The following MYH11 variants were observed in gnomAD, a reference collection of about 807,000 sequenced individuals.
MYH11 encodes myosin-11.
MYH11 carries 80 observed loss-of-function variants against 246.6 expected under a neutral mutation model. That is an observed-to-expected ratio of 0.32 (90% CI 0.27 to 0.39). The LOEUF (loss-of-function observed/expected upper bound fraction) is 0.39. MYH11 is among the 10% of genes least tolerant of loss of function. The pLI is 1.00. For synonymous variants in MYH11, 1,071 were observed against 1,015.5 expected, an observed-to-expected ratio of 1.05 and a Z score of -1.04; for missense variants, 2,158 against 2,546.8, an observed-to-expected ratio of 0.85 and a Z score of 3.29.
At chr16:15,718,122 G>A in intron 37 of MYH11, 193 bp downstream of exon 37, 1 of 831,818 alleles carries the variant, frequency 1.2e-6, no homozygotes, top group Non-Finnish European at 1.9e-6. Context: ...AGCGTGGAGA[G>A]GAGTATTCTG....
rs1179504295 is a variant in MYH11, at chr16:15,718,739, C to T, written c.5172-301G>A. On this transcript the variant is annotated intron_variant, in intron 36 of 40. Coordinates refer to ENST00000300036, the MANE Select transcript of MYH11 (RefSeq NM_002474.3). ...TATTGGGAATGAATGAAAGCAGCCA[C>T]ACCCCCAAACAGGCATGAAAGCGCT... is the stretch of plus-strand genomic sequence containing the variant. 26 of 503,028 alleles carry T rather than the reference C, an allele frequency of 5.2e-5. No individual in the cohort carries two copies. In the Admixed American group the frequency reaches 8.5e-4, roughly 16 times the overall value. 31.2% of individuals were successfully genotyped at this position (503,028 alleles called of 1,614,324 possible).
At chr16:15,752,648 G>T (rs1469005072) in intron 15 of MYH11, among the ~76,000 whole-genome samples, 2 of 152,218 alleles carry the variant, frequency 1.3e-5, no homozygotes, top group Non-Finnish European at 2.9e-5. Context: ...TGAGGCTGAG[G>T]TGGGCGGATC....
chr16:15,740,267 C>T (rs940366583), intron 22 of MYH11, 79 bp from the exon 23 acceptor site: 18 of 1,602,612 alleles, frequency 1.1e-5, no homozygotes, highest in Non-Finnish European at 1.4e-5. Context: ...CTAATGAATA[C>T]AGGGGCTAGG....
intron 15 of MYH11, among the ~76,000 whole-genome samples, chr16:15,752,074 G>T (rs1271437334): frequency 1.3e-5 from 2 of 151,956 alleles, no homozygotes; most frequent in African/African-American, 4.8e-5. Flanking sequence ...TTACAGGTGT[G>T]AGCCACCATG....
At chr16:15,747,532 C>T (rs751171344) in intron 19 of MYH11, 38 bp downstream of exon 19, 44 of 1,613,570 alleles carry the variant, frequency 2.7e-5, no homozygotes, top group Middle Eastern at 1.6e-4. Flanking sequence ...GTTTGTGATT[C>T]GCGTTTGAGG....
At chr16:15,814,258 G>A (rs1171728243) in intron 3 of MYH11, among the ~76,000 whole-genome samples, 2 of 149,318 alleles carry the variant, frequency 1.3e-5, no homozygotes, top group African/African-American at 2.5e-5. Context: ...GCGTTGAAAA[G>A]TACCAAGAAA....
At chr16:15,815,948 CA>C (rs11343062) in intron 3 of MYH11, among the ~76,000 whole-genome samples, 19,350 of 151,930 alleles carry the variant, frequency 0.13, 1,297 homozygotes, top group East Asian at 0.15. Flanking sequence ...AAAGCTCAGG[CA>C]AAAAAAGTTA....
At chr16:15,804,314 T>A (rs1417203912) in intron 3 of MYH11, among the ~76,000 whole-genome samples, 1 of 152,126 alleles carries the variant, frequency 6.6e-6, no homozygotes, top group Non-Finnish European at 1.5e-5. Context: ...CTGGATCTCC[T>A]AAAGTCGGGA....
In MYH11 at chr16:15,745,578, CTTTCTTT is replaced by C. The variant is rs1218995094; in HGVS notation, c.2412-348_2412-342del. Among the ~76,000 whole-genome samples, 1,121 of 129,154 alleles carry C rather than the reference CTTTCTTT, an allele frequency of 8.7e-3. 11 individuals are homozygous for C. Among genetic ancestry groups the C allele is most frequent in the African/African-American group, 0.033 (1,079 of 32,558 alleles). 84.7% of individuals were successfully genotyped at this position (129,154 alleles called of 152,430 possible). ...TGCACTAGCTGTTTCTTTTTTCTTT[CTTTCTTT>C]TTTTTTTTTTTTTTTTTTTGAGATA... On this transcript the variant is annotated intron_variant, in intron 19 of 40. Coordinates refer to ENST00000300036, the MANE Select transcript of MYH11 (RefSeq NM_002474.3).
chr16:15,767,229 T>C (rs988878881), intron 9 of MYH11, among the ~76,000 whole-genome samples: 5 of 152,030 alleles, frequency 3.3e-5, no homozygotes, highest in African/African-American at 4.8e-5. Context: ...GATGGATGAA[T>C]CATGGATGAA....
intron 2 of MYH11, among the ~76,000 whole-genome samples, chr16:15,828,812 G>T (rs2043644599): frequency 6.9e-6 from 1 of 144,400 alleles, no homozygotes; most frequent in Non-Finnish European, 1.5e-5. Flanking sequence ...AAGAAGGAAG[G>T]AAGGAAGGAA....
In MYH11 at chr16:15,721,558, T is replaced by C. The variant is rs1353580314; in HGVS notation, c.4442A>G (p.Lys1481Arg). 6.2e-7 allele frequency: 1 copy of C among 1,614,096 alleles called. No homozygotes were observed. The highest frequency in any genetic ancestry group is 8.5e-7 in the Non-Finnish European group (1 of 1,180,058). ...RDRAEAEAREKETKALSLARA... is the reference protein window; with the variant it reads ...RDRAEAEARERETKALSLARA... Reference sequence around the variant, plus strand: ...AGCCAGGGACAGGGCCTTGGTTTCCTTCTCCCTGGCTTCTGCCTCAGCTCT... The same window carrying C: ...AGCCAGGGACAGGGCCTTGGTTTCCCTCTCCCTGGCTTCTGCCTCAGCTCT... Residue 1481 changes from lysine to arginine, a missense_variant, in exon 32 of 41, where the codon AAG becomes AGG. Around this residue, in one of 11 missense-constraint regions of MYH11, gnomAD observed 1,013 missense variants for 993.5 expected, o/e 1.02. Transcript: ENST00000300036.
intron 2 of MYH11, among the ~76,000 whole-genome samples, chr16:15,830,938 G>A (rs1189834339): frequency 5.9e-5 from 9 of 151,974 alleles, no homozygotes; most frequent in African/African-American, 1.5e-4. Flanking sequence ...TTGGCAGGCC[G>A]AGGCAGGTGG....
intron 37 of MYH11, chr16:15,717,581 G>C: frequency 1.7e-6 from 1 of 594,262 alleles, no homozygotes; most frequent in Non-Finnish European, 3.0e-6. Flanking sequence ...AATCACTTGA[G>C]CTCAGGAGTT....
intron 3 of MYH11, among the ~76,000 whole-genome samples, chr16:15,816,793 C>CAAAAAAA (rs67390477): frequency 7.2e-6 from 1 of 138,474 alleles, no homozygotes; most frequent in African/African-American, 2.5e-5. Flanking sequence ...TGGTAAATAC[C>CAAAAAAA]AAAAAAAAAA....
chr16:15,812,858 G>A (rs919954140), intron 3 of MYH11, among the ~76,000 whole-genome samples: 7 of 150,176 alleles, frequency 4.7e-5, no homozygotes, highest in Non-Finnish European at 7.4e-5. Flanking sequence ...GGGTGACAAA[G>A]TGAGAACCTG....
intron 27 of MYH11, among the ~76,000 whole-genome samples, chr16:15,732,299 T>C (rs1177753313): frequency 4.0e-5 from 6 of 150,926 alleles, no homozygotes; most frequent in Non-Finnish European, 7.4e-5. Flanking sequence ...AAGGTCTCAC[T>C]ATGTTGCCCA....
At chr16:15,825,059 A>G (rs996011971) in intron 2 of MYH11, among the ~76,000 whole-genome samples, 2 of 152,146 alleles carry the variant, frequency 1.3e-5, no homozygotes, top group African/African-American at 4.8e-5. Context: ...TCCAATGTGG[A>G]TGAAGCTTGA....
At chr16:15,838,485 A>C (rs560028252) in intron 1 of MYH11, among the ~76,000 whole-genome samples, 1 of 152,266 alleles carries the variant, frequency 6.6e-6, no homozygotes, top group East Asian at 1.9e-4. Flanking sequence ...AAAGTCAGAC[A>C]ACCCAAATGT....
Sources: allele counts gnomAD v4.1 joint callset (sites outside exome capture counted in the v4.1 genomes callset), GRCh38; gene constraint gnomAD v4.1.1; regional missense constraint gnomAD v4.1.1; transcripts MANE v1.5; gene names NCBI Gene and HGNC (gene_info 2026-07-23, HGNC 2026-07-21).